RASSF3: variants seen among roughly 807,000 people sequenced by gnomAD.
RASSF3 encodes ras association domain-containing protein 3.
RASSF3 carries 19 observed loss-of-function variants against 19.9 expected under a neutral mutation model. That is an observed-to-expected ratio of 0.96 (90% confidence interval 0.67 to 1.40). RASSF3 has a LOEUF of 1.40. Among genes scored for constraint, RASSF3 ranks in the 40% most tolerant of loss-of-function variants. The probability of loss-of-function intolerance (pLI) is 0.00; values close to 1 mark genes in which losing one functional copy is unlikely to be tolerated. For missense variants in RASSF3, 306 were observed against 289.8 expected, an observed-to-expected ratio of 1.06 and a Z score of -0.41; for synonymous variants, 110 against 104.2, an observed-to-expected ratio of 1.06 and a Z score of -0.34.
At chr12:64,530,316 T>C (rs1051709015), upstream of RASSF3, among the ~76,000 whole-genome samples, 1 of 151,812 alleles carries the variant, frequency 6.6e-6, no homozygotes, top group African/African-American at 2.4e-5. Context: ...CAATTTTTTT[T>C]TTTTTCCATA....
chr12:64,532,061 G>C (rs1384053531), upstream of RASSF3, among the ~76,000 whole-genome samples: 2 of 152,188 alleles, frequency 1.3e-5, no homozygotes, highest in East Asian at 3.8e-4. Flanking sequence ...GGGAGATCAG[G>C]GAGAGAAAAG....
intron 1 of RASSF3, among the ~76,000 whole-genome samples, chr12:64,513,528 A>G (rs888127732): frequency 3.6e-4 from 55 of 152,068 alleles, no homozygotes; most frequent in African/African-American, 1.3e-3. Context: ...CAGGAGATAT[A>G]TAATAACCTA....
At chr12:64,514,188 C>T (rs1374123951) in intron 1 of RASSF3, among the ~76,000 whole-genome samples, 1,666 of 78,450 alleles carry the variant, frequency 0.021, 74 homozygotes, top group Non-Finnish European at 0.028. Context: ...CGCTCAGCCT[C>T]TTTTTTTTTT....
intron 1 of RASSF3, among the ~76,000 whole-genome samples, chr12:64,680,718 A>G (rs1281725223): frequency 6.6e-6 from 1 of 151,696 alleles, no homozygotes; most frequent in Non-Finnish European, 1.5e-5. Flanking sequence ...GTTTCAAGCG[A>G]TTCTCCTACC....
At chr12:64,668,574 CGTT>C (rs1488914845) in intron 1 of RASSF3, among the ~76,000 whole-genome samples, 2 of 151,384 alleles carry the variant, frequency 1.3e-5, no homozygotes, top group Non-Finnish European at 2.9e-5. Context: ...TGTCCAGCCT[CGTT>C]GTTCTTTCTT....
downstream of RASSF3, among the ~76,000 whole-genome samples, chr12:64,543,269 C>G (rs1868973048): frequency 6.6e-6 from 1 of 150,448 alleles, no homozygotes; most frequent in Admixed American, 6.6e-5. Context: ...AGGGGCTTAG[C>G]ACCCGGGCTA....
intron 4 of RASSF3, among the ~76,000 whole-genome samples, chr12:64,693,343 A>G (rs1868312099): frequency 6.6e-6 from 1 of 152,010 alleles, no homozygotes; most frequent in Non-Finnish European, 1.5e-5. Flanking sequence ...ATGTGTTTGG[A>G]AAAAACCTCG....
chr12:64,632,858 A>G (rs1871211596), intron 1 of RASSF3, among the ~76,000 whole-genome samples: 1 of 152,190 alleles, frequency 6.6e-6, no homozygotes. Flanking sequence ...AACAAGAGAA[A>G]AATAAATCTT....
At chr12:64,531,518 C>A (rs977871179), upstream of RASSF3, among the ~76,000 whole-genome samples, 22 of 152,186 alleles carry the variant, frequency 1.4e-4, no homozygotes, top group African/African-American at 5.1e-4. Context: ...CAGTGTTGTG[C>A]AACCATCACC....
chr12:64,580,321 A>G (rs1341323160), intron 2 of RASSF3, among the ~76,000 whole-genome samples: 2 of 152,186 alleles, frequency 1.3e-5, no homozygotes, highest in Non-Finnish European at 2.9e-5. Context: ...GGTAAAGGTA[A>G]AGGTAGCAGT....
At chr12:64,515,166 C>G (rs1328402431) in intron 1 of RASSF3, among the ~76,000 whole-genome samples, 5 of 152,104 alleles carry the variant, frequency 3.3e-5, no homozygotes, top group African/African-American at 1.2e-4. Flanking sequence ...AAGCGATTCT[C>G]CTGCCTCAGC....
intron 1 of RASSF3, among the ~76,000 whole-genome samples, chr12:64,507,689 A>C (rs917295768): frequency 6.6e-6 from 1 of 152,240 alleles, no homozygotes. Flanking sequence ...AAAACATCTT[A>C]GAATAAACAG....
intron 2 of RASSF3, among the ~76,000 whole-genome samples, chr12:64,570,884 G>A (rs1482611951): frequency 6.6e-6 from 1 of 152,114 alleles, no homozygotes; most frequent in African/African-American, 2.4e-5. Flanking sequence ...TCTTAACCTT[G>A]GGGGACTCAA....
At chr12:64,522,403 T>C (rs1011840293) in intron 1 of RASSF3, among the ~76,000 whole-genome samples, 8 of 152,166 alleles carry the variant, frequency 5.3e-5, no homozygotes, top group African/African-American at 1.9e-4. Flanking sequence ...CTTTAGCATG[T>C]TAGGGCATGC....
chr12:64,650,408 C>CTTT (rs67304103), intron 1 of RASSF3, among the ~76,000 whole-genome samples: 5,076 of 85,462 alleles, frequency 0.059, 274 homozygotes, highest in African/African-American at 0.14. Flanking sequence ...TTTTTTTTTC[C>CTTT]TTTTTTTTTT....
At chr12:64,581,474 C>T (rs1869695377) in intron 2 of RASSF3, among the ~76,000 whole-genome samples, 1 of 152,086 alleles carries the variant, frequency 6.6e-6, no homozygotes, top group Non-Finnish European at 1.5e-5. Context: ...CTTTGGGAGG[C>T]CAAGGCAGGC....
upstream of RASSF3, among the ~76,000 whole-genome samples, chr12:64,605,887 C>CAAA (rs34242846): frequency 2.1e-4 from 17 of 82,338 alleles, no homozygotes; most frequent in Non-Finnish European, 3.9e-4. Flanking sequence ...AACTCCGTCT[C>CAAA]AAAAAAAAAA....
At chr12:64,650,102 C>T (rs1229192642) in intron 1 of RASSF3, among the ~76,000 whole-genome samples, 1 of 152,212 alleles carries the variant, frequency 6.6e-6, no homozygotes, top group East Asian at 1.9e-4. Context: ...GTAGATGATA[C>T]ACGCATGTAT....
intron 1 of RASSF3, among the ~76,000 whole-genome samples, chr12:64,680,586 G>C (rs555729322): frequency 1.3e-5 from 2 of 151,894 alleles, no homozygotes; most frequent in Non-Finnish European, 2.9e-5. Context: ...TGCTTTTCTG[G>C]GATATACTTT....
Sources: gnomAD v4.1 joint callset for allele counts (sites outside exome capture counted in the v4.1 genomes callset) on GRCh38, gnomAD v4.1.1 for gene constraint, MANE v1.5 for transcripts, NCBI Gene and HGNC (gene_info 2026-07-23, HGNC 2026-07-21) for gene names.